BAZ1A: variants seen among roughly 807,000 people sequenced by gnomAD.
BAZ1A encodes the protein bromodomain adjacent to zinc finger domain 1A, also known as bromodomain adjacent to zinc finger domain protein 1A.
A neutral mutation model predicts 185.2 loss-of-function variants in BAZ1A; 50 were observed. The observed-to-expected ratio is 0.27, with a 90% CI of 0.22 to 0.34. The LOEUF is 0.34. Among genes scored for constraint, BAZ1A ranks in the 10% least tolerant of loss-of-function variants. The pLI, the probability that BAZ1A is intolerant of heterozygous loss-of-function variation, is 1.00. For synonymous variants in BAZ1A, 571 were observed against 615.6 expected (o/e 0.93, Z 1.07); for missense variants, 1,356 against 1,839.9 (o/e 0.74, Z 4.81).
chr14:34,806,338 GGTTT>G (rs1369684839), intron 6 of BAZ1A, among the ~76,000 whole-genome samples: 5 of 152,078 alleles, frequency 3.3e-5, no homozygotes, highest in African/African-American at 1.2e-4. Flanking sequence ...TGCATTTGCA[GGTTT>G]GTTACATAGT....
chr14:34,805,981 A>G (rs1881835333), intron 6 of BAZ1A, among the ~76,000 whole-genome samples: 2 of 150,178 alleles, frequency 1.3e-5, no homozygotes, highest in African/African-American at 4.9e-5. Flanking sequence ...TTTAAAACCT[A>G]TGTTTATGCT....
chr14:34,824,674 T>C (rs2042140431), intron 4 of BAZ1A, among the ~76,000 whole-genome samples: 1 of 152,214 alleles, frequency 6.6e-6, no homozygotes, highest in Non-Finnish European at 1.5e-5. Flanking sequence ...ATAGCTATAA[T>C]AGTTAATGTC....
intron 3 of BAZ1A, among the ~76,000 whole-genome samples, chr14:34,849,165 C>T (rs188989185): frequency 1.2e-3 from 185 of 152,276 alleles, no homozygotes; most frequent in African/African-American, 4.4e-3. Flanking sequence ...TGGCACATGC[C>T]TATAGTCCCA....
chr14:34,851,091 G>C lies in BAZ1A; in HGVS notation c.392+10953C>G, dbSNP rs540509407. ...TCATGCCTGTAAATCCCAGCACCCT[G>C]AGAGACCGATGCTGGTAGATCACTT... On this transcript the variant is annotated intron_variant, in intron 3 of 26. Coordinates refer to ENST00000360310, the MANE Select transcript of BAZ1A (RefSeq NM_013448.3). Among the ~76,000 whole-genome samples the C allele has an allele frequency of 3.5e-4, 53 of 152,146 alleles. 1 individual carries two copies. The highest frequency in any genetic ancestry group is 6.2e-4 in the Non-Finnish European group (42 of 67,990).
At chr14:34,868,930 A>ATAT (rs2042907489) in intron 2 of BAZ1A, among the ~76,000 whole-genome samples, 16 of 146,362 alleles carry the variant, frequency 1.1e-4, no homozygotes, top group East Asian at 5.9e-4. Context: ...GTGTGTGTAT[A>ATAT]ATACATGTAT....
At chr14:34,809,206 T>C (rs2041893819) in intron 5 of BAZ1A, among the ~76,000 whole-genome samples, 2 of 152,100 alleles carry the variant, frequency 1.3e-5, no homozygotes, top group South Asian at 2.1e-4. Context: ...CCCACACAGA[T>C]AACCAAGGAT....
chr14:34,813,819 C>A (rs559263839), intron 4 of BAZ1A, among the ~76,000 whole-genome samples: 1 of 152,126 alleles, frequency 6.6e-6, no homozygotes, highest in Non-Finnish European at 1.5e-5. Flanking sequence ...GCAGGCAGAT[C>A]ATGAGGTCAT....
intron 7 of BAZ1A, 61 bp from the exon 8 acceptor site, chr14:34,801,254 T>C: frequency 8.6e-7 from 1 of 1,160,850 alleles, no homozygotes; most frequent in Non-Finnish European, 1.2e-6. Flanking sequence ...AGCAAAAAAT[T>C]TAAAACTCTC....
At chr14:34,824,409 A>AAAAC (rs2042135814) in intron 4 of BAZ1A, among the ~76,000 whole-genome samples, 1 of 7,772 alleles carries the variant, frequency 1.3e-4, no homozygotes, top group Non-Finnish European at 1.3e-3. Flanking sequence ...GCAGCAACTC[A>AAAAC]AAAAAAAAAA....
intron 4 of BAZ1A, among the ~76,000 whole-genome samples, chr14:34,817,903 G>A (rs1267485665): frequency 1.3e-5 from 2 of 152,288 alleles, no homozygotes; most frequent in South Asian, 2.1e-4. Context: ...AATGTAAAGT[G>A]GCACAGCTAC....
Position 34,758,829 on chromosome 14 carries a change from G to A in BAZ1A, c.4261C>T (p.Leu1421=). ...RQSPEPSPVT[L]GRRSSGRQGG... ...TGTCGGCCAGAACTCCTTCGACCCA[G>A]TGTCACAGGCGATGGCTCTGAGTAA... Residue 1421 remains leucine (L), a synonymous_variant, in exon 25 of 27, where the codon CTG becomes TTG. Coordinates refer to ENST00000360310, the MANE Select transcript of BAZ1A (RefSeq NM_013448.3). 6.2e-7 allele frequency: 1 copy of A among 1,613,982 alleles called. No homozygotes were observed. Among genetic ancestry groups the A allele is most frequent in the Non-Finnish European group, 8.5e-7 (1 of 1,179,986 alleles).
At chr14:34,819,004 G>A (rs1445384264) in intron 4 of BAZ1A, among the ~76,000 whole-genome samples, 1 of 151,772 alleles carries the variant, frequency 6.6e-6, no homozygotes, top group Non-Finnish European at 1.5e-5. Flanking sequence ...AGCCGGGCGT[G>A]GTGGCAGGCG....
At chr14:34,785,287 A>G (rs1218793888) in intron 14 of BAZ1A, among the ~76,000 whole-genome samples, 1 of 152,240 alleles carries the variant, frequency 6.6e-6, no homozygotes, top group African/African-American at 2.4e-5. Context: ...CATAAATTAT[A>G]AAGACTGCAA....
rs1424269023 is a variant in BAZ1A, at chr14:34,867,420, T to C, written c.114-5098A>G. Reference sequence around the variant, plus strand: ...CCACAGCAGCTAAGTGCCTGAGGTATTGAGTAGGTCACGCATGGGATATTT... The same window carrying C: ...CCACAGCAGCTAAGTGCCTGAGGTACTGAGTAGGTCACGCATGGGATATTT... On this transcript the variant is annotated intron_variant, in intron 2 of 26. Transcript: ENST00000360310. Among the ~76,000 whole-genome samples, 4 of 152,176 alleles carry C rather than the reference T, an allele frequency of 2.6e-5. No homozygotes were observed. The East Asian group carries it at 7.7e-4, about 29-fold the overall frequency.
At chr14:34,798,097 G>A (rs1311530045) in intron 9 of BAZ1A, among the ~76,000 whole-genome samples, 4 of 152,256 alleles carry the variant, frequency 2.6e-5, no homozygotes, top group Admixed American at 6.5e-5. Flanking sequence ...ATCGACCTGC[G>A]AGGCAGTAGC....
At chr14:34,873,028 G>A (rs2042977643) in intron 2 of BAZ1A, among the ~76,000 whole-genome samples, 1 of 151,118 alleles carries the variant, frequency 6.6e-6, no homozygotes, top group African/African-American at 2.4e-5. Context: ...GGAGCAGAGC[G>A]AGATGTGCAC....
At chr14:34,762,275 A>G (rs1263708405) in intron 23 of BAZ1A, 52 bp from the exon 24 acceptor site, 1 of 1,513,204 alleles carries the variant, frequency 6.6e-7, no homozygotes. Context: ...TGATGAACAT[A>G]TGATTAGCTC....
intron 2 of BAZ1A, among the ~76,000 whole-genome samples, chr14:34,864,491 A>AT (rs574445043): frequency 2.0e-5 from 3 of 150,164 alleles, no homozygotes; most frequent in African/African-American, 7.4e-5. Flanking sequence ...TTTTGCAATA[A>AT]TTTTTTTTAA....
intron 3 of BAZ1A, among the ~76,000 whole-genome samples, chr14:34,845,931 G>A (rs1243368895): frequency 1.3e-5 from 2 of 151,726 alleles, no homozygotes; most frequent in Non-Finnish European, 1.5e-5. Flanking sequence ...TCATGATGGA[G>A]GCAGAAAAAG....
Sources: gnomAD v4.1 joint callset for allele counts (sites outside exome capture counted in the v4.1 genomes callset) on GRCh38, gnomAD v4.1.1 for gene constraint, MANE v1.5 for transcripts, NCBI Gene and HGNC (gene_info 2026-07-23, HGNC 2026-07-21) for gene names.